The following MINDY3 variants were observed in gnomAD, a reference collection of about 807,000 sequenced individuals.
MINDY3 encodes ubiquitin carboxyl-terminal hydrolase MINDY-3.
In MINDY3, 38 loss-of-function variants were observed where a neutral mutation model predicts 69.2. That is an observed-to-expected ratio of 0.55 (90% CI 0.42 to 0.72). The LOEUF (loss-of-function observed/expected upper bound fraction) is 0.72, where lower values mean the gene tolerates loss of function less well. Ranked by LOEUF, MINDY3 falls within the 30% of genes least tolerant of loss-of-function variation. The probability of loss-of-function intolerance (pLI) is 0.00; values close to 1 mark genes in which losing one functional copy is unlikely to be tolerated. For missense variants in MINDY3, 522 were observed against 519.0 expected, an observed-to-expected ratio of 1.01 and a Z score of -0.06; for synonymous variants, 192 against 180.1, an observed-to-expected ratio of 1.07 and a Z score of -0.53.
At chr10:15,792,887 G>A (rs1444182626) in intron 11 of MINDY3, among the ~76,000 whole-genome samples, 1 of 152,008 alleles carries the variant, frequency 6.6e-6, no homozygotes, top group Non-Finnish European at 1.5e-5. Flanking sequence ...TAAGCTCTGT[G>A]CCACACATTT....
At chr10:15,789,778 C>A (rs1040256079) in intron 11 of MINDY3, among the ~76,000 whole-genome samples, 7 of 152,038 alleles carry the variant, frequency 4.6e-5, no homozygotes, top group African/African-American at 1.4e-4. Context: ...GATACTTAGA[C>A]AACTGACAGA....
intron 7 of MINDY3, 31 bp from the exon 8 acceptor site, chr10:15,833,740 A>G: frequency 7.3e-7 from 1 of 1,372,478 alleles, no homozygotes; most frequent in Non-Finnish European, 1.0e-6. Flanking sequence ...GCAATTAAAT[A>G]TGAATATAGT....
At chr10:15,818,318 A>G (rs1839515177) in intron 9 of MINDY3, among the ~76,000 whole-genome samples, 2 of 139,006 alleles carry the variant, frequency 1.4e-5, no homozygotes, top group Admixed American at 7.1e-5. Flanking sequence ...AGGTAGAAGT[A>G]AAAAAAAAAA....
At chr10:15,849,743 T>A (rs181032620) in intron 1 of MINDY3, among the ~76,000 whole-genome samples, 59 of 152,218 alleles carry the variant, frequency 3.9e-4, no homozygotes, top group African/African-American at 1.3e-3. Context: ...CTCCTCTCTT[T>A]ATCTTCAATC....
At chr10:15,834,965 G>C (rs1832976623) in intron 6 of MINDY3, among the ~76,000 whole-genome samples, 1 of 141,258 alleles carries the variant, frequency 7.1e-6, no homozygotes, top group African/African-American at 3.2e-5. Flanking sequence ...AGCCTGTTAA[G>C]GCAACTGATT....
At position 15,796,131 on chromosome 10, in the gene MINDY3, G is replaced by A. The variant is rs763125669; in HGVS notation, c.924C>T (p.Ala308=). The change falls in exon 11 of 15, where the codon GCC becomes GCT. Residue 308 remains alanine (A), a synonymous_variant. Coordinates refer to ENST00000277632, the MANE Select transcript of MINDY3 (RefSeq NM_024948.4). ...GGTCGTAGGTTTGAAAAACTCTTCT[G>A]GCTTGTTCTGAAGGAGCTTCAGGGG... ...LVAPEAPSEQ[A]RRVFQTYDPE... 4 of 1,612,654 alleles carry A rather than the reference G, an allele frequency of 2.5e-6. No homozygotes were observed. In the Admixed American group the frequency reaches 5.0e-5, roughly 20 times the overall value.
At chr10:15,851,165 C>G (rs1189966820) in intron 1 of MINDY3, among the ~76,000 whole-genome samples, 1 of 152,178 alleles carries the variant, frequency 6.6e-6, no homozygotes, top group Admixed American at 6.5e-5. Flanking sequence ...CTTCTGTCTC[C>G]ATGATCACTG....
intron 11 of MINDY3, among the ~76,000 whole-genome samples, chr10:15,792,306 T>C (rs1837481098): frequency 6.6e-6 from 1 of 152,088 alleles, no homozygotes; most frequent in Non-Finnish European, 1.5e-5. Context: ...CCCCAGGGCC[T>C]AGCACAGTGG....
At chr10:15,796,004 TAATCC>T in intron 11 of MINDY3, 91 bp downstream of exon 11, 2 of 920,964 alleles carry the variant, frequency 2.2e-6, no homozygotes, top group Non-Finnish European at 3.5e-6. Context: ...TTTCATTAAA[TAATCC>T]AATATATCTT....
intron 14 of MINDY3, among the ~76,000 whole-genome samples, chr10:15,781,670 A>T (rs1238895566): frequency 6.6e-6 from 1 of 152,142 alleles, no homozygotes; most frequent in Non-Finnish European, 1.5e-5. Flanking sequence ...GACCTGTAAA[A>T]TGGAGATATA....
At chr10:15,853,807 G>C (rs1025694246) in intron 1 of MINDY3, among the ~76,000 whole-genome samples, 5 of 151,612 alleles carry the variant, frequency 3.3e-5, no homozygotes, top group Admixed American at 6.6e-5. Flanking sequence ...TCAGACTTGA[G>C]TATCTGGCTG....
At chr10:15,806,069 T>C (rs1000117553) in intron 10 of MINDY3, among the ~76,000 whole-genome samples, 3 of 152,176 alleles carry the variant, frequency 2.0e-5, no homozygotes. Context: ...TGGGCTGTTC[T>C]CATCGCCCCC....
intron 8 of MINDY3, among the ~76,000 whole-genome samples, chr10:15,827,588 TA>T (rs917105139): frequency 6.6e-6 from 1 of 151,596 alleles, no homozygotes; most frequent in Non-Finnish European, 1.5e-5. Flanking sequence ...GCCTTGGATA[TA>T]AAAAAATATA....
At chr10:15,791,551 A>G (rs1837416800) in intron 11 of MINDY3, among the ~76,000 whole-genome samples, 1 of 151,908 alleles carries the variant, frequency 6.6e-6, no homozygotes. Context: ...AGGGCAAGCA[A>G]AAGAGGGCAG....
rs184454801 is a variant in MINDY3, at chr10:15,817,057, T to C, written c.802-142A>G. 180 of 642,654 alleles carry C rather than the reference T, an allele frequency of 2.8e-4. 1 individual carries two copies. The highest frequency in any genetic ancestry group is 2.6e-3 in the East Asian group (96 of 36,286). 39.8% of individuals were successfully genotyped at this position (642,654 alleles called of 1,614,324 possible). On this transcript the variant is annotated intron_variant, in intron 9 of 14. Coordinates refer to ENST00000277632, the MANE Select transcript of MINDY3 (RefSeq NM_024948.4). ...GTATTGTGCCCGAGCACTTCACCCATAGAGATCAAATGCTGAATGTAAAAA... is the reference window on the plus strand; with the variant it reads ...GTATTGTGCCCGAGCACTTCACCCACAGAGATCAAATGCTGAATGTAAAAA...
intron 8 of MINDY3, among the ~76,000 whole-genome samples, chr10:15,826,473 G>T (rs891142641): frequency 6.6e-6 from 1 of 152,066 alleles, no homozygotes; most frequent in Admixed American, 6.5e-5. Flanking sequence ...CAATCTAGTT[G>T]GGAAGATAAT....
intron 10 of MINDY3, among the ~76,000 whole-genome samples, chr10:15,811,716 A>C (rs1325712435): frequency 1.3e-5 from 2 of 152,034 alleles, no homozygotes; most frequent in Non-Finnish European, 2.9e-5. Flanking sequence ...AAAGCCACTA[A>C]TTTGCTTCAG....
chr10:15,780,220 AATAT>A (rs1361207377), intron 14 of MINDY3, among the ~76,000 whole-genome samples: 1 of 152,196 alleles, frequency 6.6e-6, no homozygotes, highest in Non-Finnish European at 1.5e-5. Context: ...ATAGGAATAG[AATAT>A]ATTACTAGAT....
Position 15,794,634 on chromosome 10 carries a change from C to A in MINDY3, c.955+1466G>T, listed in dbSNP as rs202042665. Among the ~76,000 whole-genome samples, 18 of 152,210 alleles carry A rather than the reference C, an allele frequency of 1.2e-4. No individual in the cohort carries two copies. The East Asian group carries it at 3.3e-3, about 28-fold the overall frequency. On this transcript the variant is annotated intron_variant, in intron 11 of 14. Transcript: ENST00000277632. Reference sequence around the variant, plus strand: ...AAATTTTCATATGCATCTCTCACAACTCAATTCTGAAAAATTGCACTGATT... The same window carrying A: ...AAATTTTCATATGCATCTCTCACAAATCAATTCTGAAAAATTGCACTGATT...
Sources: gnomAD v4.1 joint callset for allele counts (sites outside exome capture counted in the v4.1 genomes callset) on GRCh38, gnomAD v4.1.1 for gene constraint, MANE v1.5 for transcripts, NCBI Gene and HGNC (gene_info 2026-07-23, HGNC 2026-07-21) for gene names.